The following SEMA6D variants were observed in gnomAD, a reference collection of about 807,000 sequenced individuals.
SEMA6D encodes semaphorin 6D, also known as semaphorin-6D.
SEMA6D carries 35 observed loss-of-function variants against 106.6 expected under a neutral mutation model. The ratio of observed to expected loss-of-function variants is 0.33; its 90% CI spans 0.25 to 0.44. The LOEUF is 0.44. Among genes scored for constraint, SEMA6D ranks in the 20% least tolerant of loss-of-function variants. The pLI is 1.00. For missense variants in SEMA6D, 1,185 were observed against 1,345.9 expected (o/e 0.88, Z 1.87); for synonymous variants, 499 against 487.7 (o/e 1.02, Z -0.31).
At chr15:47,464,890 TTG>T in intron 2 of SEMA6D, among the ~76,000 whole-genome samples, 1 of 152,270 alleles carries the variant, frequency 6.6e-6, no homozygotes, top group Admixed American at 6.5e-5. Context: ...AAGTGGGGGT[TTG>T]CCTGAATTTA....
At chr15:47,660,812 G>A (rs1326028741) in intron 4 of SEMA6D, among the ~76,000 whole-genome samples, 2 of 152,000 alleles carry the variant, frequency 1.3e-5, no homozygotes, top group Non-Finnish European at 2.9e-5. Flanking sequence ...ACACTTGTTT[G>A]GACAGCATAA....
intron 3 of SEMA6D, among the ~76,000 whole-genome samples, chr15:47,472,390 C>T (rs1447416116): frequency 3.3e-5 from 5 of 152,128 alleles, no homozygotes; most frequent in South Asian, 2.1e-4. Context: ...CCCTAATTAT[C>T]GGTAGGCCAT....
chr15:47,351,968 T>TA (rs1327133163), intron 1 of SEMA6D, among the ~76,000 whole-genome samples: 2 of 152,172 alleles, frequency 1.3e-5, no homozygotes, highest in Non-Finnish European at 2.9e-5. Context: ...AAGAGGATTT[T>TA]AAAATCTGTT....
At chr15:47,303,361 G>A (rs1280556549) in intron 1 of SEMA6D, among the ~76,000 whole-genome samples, 2 of 152,178 alleles carry the variant, frequency 1.3e-5, no homozygotes, top group African/African-American at 4.8e-5. Context: ...CATGATCTCT[G>A]CATTTACTGT....
At chr15:47,370,389 C>T (rs761422499) in intron 1 of SEMA6D, among the ~76,000 whole-genome samples, 4 of 152,020 alleles carry the variant, frequency 2.6e-5, no homozygotes, top group Admixed American at 6.6e-5. Context: ...ATGGTTCATG[C>T]ATATAGTCCC....
intron 1 of SEMA6D, among the ~76,000 whole-genome samples, chr15:47,195,176 G>C (rs1187457930): frequency 6.6e-6 from 1 of 152,072 alleles, no homozygotes; most frequent in East Asian, 1.9e-4. Flanking sequence ...AGTGGGGACA[G>C]TGGAGAAAAA....
chr15:47,337,397 G>A (rs7162463), intron 1 of SEMA6D, among the ~76,000 whole-genome samples: 30,309 of 152,144 alleles, frequency 0.2, 3,645 homozygotes, highest in African/African-American at 0.33. Flanking sequence ...TAGCTGGCAA[G>A]GAAAAACTGA....
intron 1 of SEMA6D, among the ~76,000 whole-genome samples, chr15:47,337,414 T>C (rs1358307203): frequency 1.3e-5 from 2 of 152,212 alleles, no homozygotes; most frequent in Non-Finnish European, 2.9e-5. Context: ...CTGATGCTGA[T>C]AACCCTGAGG....
At position 47,645,778 on chromosome 15, in the gene SEMA6D, T is replaced by A. The variant is rs1433500694; in HGVS notation, c.-55+44882T>A. Among the ~76,000 whole-genome samples the A allele has an allele frequency of 2.0e-5, 3 of 152,104 alleles. No individual in the cohort carries two copies. The East Asian group carries it at 5.8e-4, about 29-fold the overall frequency. ...TGCTTCTGACCAACCAGCTATACAT[T>A]GGGATTCCCACAACTCCCTCCTCAG... On this transcript the variant is annotated intron_variant, in intron 4 of 19. Transcript: ENST00000558014.
chr15:47,683,322 G>C (rs2078399004), intron 4 of SEMA6D, among the ~76,000 whole-genome samples: 1 of 152,038 alleles, frequency 6.6e-6, no homozygotes, highest in South Asian at 2.1e-4. Flanking sequence ...TTGATTTTCT[G>C]TTTCTGAGTT....
At chr15:47,354,190 T>C (rs1272804977) in intron 1 of SEMA6D, among the ~76,000 whole-genome samples, 1 of 25,362 alleles carries the variant, frequency 3.9e-5, no homozygotes, top group African/African-American at 2.2e-4. Context: ...TCTCTCTCTC[T>C]CTCTCTCTCT....
chr15:47,199,677 T>C (rs1013533340), intron 1 of SEMA6D, among the ~76,000 whole-genome samples: 1 of 152,134 alleles, frequency 6.6e-6, no homozygotes, highest in African/African-American at 2.4e-5. Context: ...TTTTCCATGA[T>C]AAAACACTCC....
chr15:47,454,062 G>A (rs2140959448), intron 2 of SEMA6D, among the ~76,000 whole-genome samples: 1 of 152,062 alleles, frequency 6.6e-6, no homozygotes, highest in African/African-American at 2.4e-5. Context: ...GACCTGTGGT[G>A]TGGTTGGTGG....
At chr15:47,608,256 C>G (rs2076823019) in intron 4 of SEMA6D, among the ~76,000 whole-genome samples, 1 of 152,136 alleles carries the variant, frequency 6.6e-6, no homozygotes, top group Non-Finnish European at 1.5e-5. Context: ...GATTCATAAA[C>G]TTCTTTACCT....
intron 1 of SEMA6D, among the ~76,000 whole-genome samples, chr15:47,321,899 G>A (rs952164415): frequency 1.3e-5 from 2 of 152,140 alleles, no homozygotes; most frequent in Non-Finnish European, 2.9e-5. Flanking sequence ...TTCCTGATTG[G>A]AGGACATCAT....
At chr15:47,586,123 T>TA (rs1335623046) in intron 3 of SEMA6D, among the ~76,000 whole-genome samples, 1 of 152,216 alleles carries the variant, frequency 6.6e-6, no homozygotes, top group Non-Finnish European at 1.5e-5. Context: ...AAGAGACACT[T>TA]ACTTTTAATA....
At position 47,773,426 on chromosome 15, in the gene SEMA6D, C is replaced by G. The variant is rs2082716111; in HGVS notation, c.*1641C>G. The G allele has an allele frequency of 6.6e-6, 1 of 152,596 alleles. No homozygotes were observed. The highest frequency in any genetic ancestry group is 6.6e-5 in the Admixed American group (1 of 15,262). 9.5% of individuals were successfully genotyped at this position (152,596 alleles called of 1,614,324 possible). A position where few individuals can be genotyped will look rare whatever the true frequency, so the allele number is the denominator to read the frequency against. ...CACTTACGGCTGATGATGCGCAACC[C>G]TGCTGACTGTTTCAGTTAATATGCT... On this transcript the variant is annotated 3_prime_UTR_variant, in exon 19 of 19. Transcript: ENST00000536845.
intron 1 of SEMA6D, among the ~76,000 whole-genome samples, chr15:47,303,809 A>G (rs1250999289): frequency 6.6e-6 from 1 of 152,194 alleles, no homozygotes; most frequent in Non-Finnish European, 1.5e-5. Flanking sequence ...CTTCAGTTCC[A>G]GGAAAGGCCA....
chr15:47,394,122 T>A (rs1459284602), intron 1 of SEMA6D, among the ~76,000 whole-genome samples: 3 of 152,164 alleles, frequency 2.0e-5, no homozygotes, highest in Non-Finnish European at 4.4e-5. Context: ...GGGTACATTG[T>A]CTGCATTTAG....
Sources: allele counts gnomAD v4.1 joint callset (sites outside exome capture counted in the v4.1 genomes callset), GRCh38; gene constraint gnomAD v4.1.1; transcripts MANE v1.5; gene names NCBI Gene and HGNC (gene_info 2026-07-23, HGNC 2026-07-21).